BCAR3: variants seen among roughly 807,000 people sequenced by gnomAD.
The protein encoded by BCAR3 is breast cancer anti-estrogen resistance protein 3.
Under a neutral mutation model 80.1 loss-of-function variants are expected in BCAR3, and 37 were observed. The ratio of observed to expected loss-of-function variants is 0.46; its 90% confidence interval spans 0.36 to 0.61. The LOEUF is 0.61. Ranked by LOEUF, BCAR3 falls within the 20% of genes least tolerant of loss-of-function variation. The pLI is 0.00. For synonymous variants in BCAR3, 389 were observed against 418.9 expected (o/e 0.93, Z 0.87); for missense variants, 978 against 1,068.2 (o/e 0.92, Z 1.18).
rs764599323 is a variant in BCAR3, at chr1:93,562,350, C to T, written c.2369G>A (p.Ser790Asn). Residue 790 changes from serine to asparagine, a missense_variant, in exon 12 of 12, where the codon AGC becomes AAC. Transcript: ENST00000260502. ...TGTCTGATTGACTTGTGCACCTTTG[C>T]TGCCCCATAGCAATCGCATTTGAAA... ...TEFQMRLLWG[S>N]KGAQVNQTER... The T allele has an allele frequency of 1.9e-6, 3 of 1,614,006 alleles. No homozygotes were observed. Among genetic ancestry groups the T allele is most frequent in the Non-Finnish European group, 2.5e-6 (3 of 1,180,018 alleles).
At chr1:93,717,706 C>G (rs558532416) in intron 2 of BCAR3, among the ~76,000 whole-genome samples, 2 of 137,810 alleles carry the variant, frequency 1.5e-5, no homozygotes, top group Admixed American at 1.5e-4. Context: ...CCAGCCTGCA[C>G]GAGACTCCAC....
intron 3 of BCAR3, among the ~76,000 whole-genome samples, chr1:93,694,005 A>C (rs139727787): frequency 6.6e-6 from 1 of 152,304 alleles, no homozygotes; most frequent in African/African-American, 2.4e-5. Context: ...TATTATCCCT[A>C]TTTTATAGAT....
rs562080108 is a variant in BCAR3 at position 93,583,647 on chromosome 1, G to A, written c.1033+371C>T. On this transcript the variant is annotated intron_variant, in intron 6 of 11. Coordinates refer to ENST00000260502, the MANE Select transcript of BCAR3 (RefSeq NM_003567.4). ...GCCCCAGGATCCACCCGCCCACCCG[G>A]GAAAAGGGAGTAGGCTCATTTGTCA... is the stretch of plus-strand genomic sequence containing the variant. 7.2e-5 allele frequency among the ~76,000 whole-genome samples: 11 copies of A among 152,204 alleles called. No individual in the cohort carries two copies. The East Asian group carries it at 1.7e-3, about 24-fold the overall frequency.
chr1:93,579,009 A>T (rs923897094), intron 7 of BCAR3, among the ~76,000 whole-genome samples: 1 of 152,174 alleles, frequency 6.6e-6, no homozygotes, highest in Non-Finnish European at 1.5e-5. Context: ...GTGCTTCACT[A>T]CTGGTCCTCA....
chr1:93,761,654 C>T (rs143967794), intron 2 of BCAR3, among the ~76,000 whole-genome samples: 349 of 152,276 alleles, frequency 2.3e-3, no homozygotes, highest in African/African-American at 7.7e-3. Flanking sequence ...GGGGCAGCCA[C>T]GGCAAACCCC....
intron 2 of BCAR3, among the ~76,000 whole-genome samples, chr1:93,724,647 C>G (rs934942109): frequency 2.0e-5 from 3 of 152,132 alleles, no homozygotes; most frequent in Non-Finnish European, 2.9e-5. Context: ...AGCCTGGTGT[C>G]CAAGGACTCT....
At chr1:93,782,544 G>A (rs1652798641) in intron 2 of BCAR3, among the ~76,000 whole-genome samples, 1 of 152,170 alleles carries the variant, frequency 6.6e-6, no homozygotes, top group African/African-American at 2.4e-5. Flanking sequence ...GAGGGCTACA[G>A]AGGTTGTAGA....
chr1:93,607,095 A>C (rs920391298), intron 3 of BCAR3, among the ~76,000 whole-genome samples: 2 of 152,166 alleles, frequency 1.3e-5, no homozygotes, highest in Non-Finnish European at 2.9e-5. Context: ...GGGGACTCCA[A>C]AAGAGGGGCG....
chr1:93,677,221 C>G lies in BCAR3; in HGVS notation c.-11-2280G>C, dbSNP rs945376071. Among the ~76,000 whole-genome samples, 21 of 152,268 alleles carry G rather than the reference C, an allele frequency of 1.4e-4. 3 individuals carry two copies. Among genetic ancestry groups the G allele is most frequent in the Admixed American group, 7.8e-4 (12 of 15,304 alleles). ...GGCTCAGAGAGGGCAACAATAGAGACAAAGCATTTTGAAAAGTTAACATGT... is the reference window on the plus strand; with the variant it reads ...GGCTCAGAGAGGGCAACAATAGAGAGAAAGCATTTTGAAAAGTTAACATGT... On this transcript the variant is annotated intron_variant, in intron 1 of 11. Transcript: ENST00000260502.
intron 3 of BCAR3, among the ~76,000 whole-genome samples, chr1:93,637,298 G>A (rs1675816905): frequency 6.6e-6 from 1 of 151,880 alleles, no homozygotes; most frequent in Non-Finnish European, 1.5e-5. Context: ...GCCTCCTGAG[G>A]TGCCTGCCAC....
chr1:93,669,097 C>T (rs1213985738), intron 2 of BCAR3, among the ~76,000 whole-genome samples: 3 of 152,076 alleles, frequency 2.0e-5, no homozygotes, highest in Non-Finnish European at 4.4e-5. Flanking sequence ...AGCAGACATG[C>T]CTGGGTATAA....
chr1:93,607,011 G>A (rs1050362395), intron 3 of BCAR3, among the ~76,000 whole-genome samples: 2 of 152,132 alleles, frequency 1.3e-5, no homozygotes, highest in African/African-American at 4.8e-5. Flanking sequence ...TGGAAAGGGA[G>A]GGAGTAAAGA....
intron 2 of BCAR3, among the ~76,000 whole-genome samples, chr1:93,778,756 G>A (rs1283456417): frequency 6.6e-6 from 1 of 151,998 alleles, no homozygotes; most frequent in African/African-American, 2.4e-5. Flanking sequence ...TTGCTCAGCT[G>A]AATCCTACTC....
chr1:93,844,407 T>C (rs1362660527), intron 2 of BCAR3, among the ~76,000 whole-genome samples: 2 of 152,242 alleles, frequency 1.3e-5, no homozygotes, highest in Admixed American at 1.3e-4. Flanking sequence ...ATCAGCCTAA[T>C]TGAAAGTGGT....
chr1:93,666,357 T>G (rs1647912438), intron 2 of BCAR3, among the ~76,000 whole-genome samples: 1 of 152,228 alleles, frequency 6.6e-6, no homozygotes, highest in South Asian at 2.1e-4. Flanking sequence ...CACGGTTACA[T>G]AAAAATTATT....
At chr1:93,639,158 C>T (rs967222592) in intron 3 of BCAR3, among the ~76,000 whole-genome samples, 8 of 152,288 alleles carry the variant, frequency 5.3e-5, no homozygotes, top group African/African-American at 1.4e-4. Context: ...TTGGGATGAA[C>T]GACCGGTAGC....
intron 3 of BCAR3, among the ~76,000 whole-genome samples, chr1:93,623,388 G>A (rs894339464): frequency 6.6e-6 from 1 of 152,120 alleles, no homozygotes; most frequent in Non-Finnish European, 1.5e-5. Context: ...ATGGATGTGT[G>A]AGCCAATCAG....
exon 1 of BCAR3, chr1:93,847,097 G>GGCCTCGGCCGCTCA (rs1009178873): frequency 4.1e-6 from 1 of 241,446 alleles, no homozygotes; most frequent in African/African-American, 2.4e-5. Context: ...GAGGCCGCTC[G>GGCCTCGGCCGCTCA]GCCTCGGCCG....
rs948245381 is a variant in BCAR3, at chr1:93,582,352, G to A, written c.1635C>T (p.Thr545=). 1.5e-5 allele frequency: 24 copies of A among 1,614,182 alleles called. No individual in the cohort carries two copies. Among genetic ancestry groups the A allele is most frequent in the Non-Finnish European group, 1.9e-5 (22 of 1,180,034 alleles). ...GGGCGATGACCTTGGGGTCGTTGTT[G>A]GTGAACAGTTCTTTTGCACGTTTCA... ...AMLKRAKELF[T]NNDPKVIAQH... Residue 545 remains threonine (T), a synonymous_variant, in exon 7 of 12, where the codon ACC becomes ACT. Transcript: ENST00000260502.
Sources: allele counts gnomAD v4.1 joint callset (sites outside exome capture counted in the v4.1 genomes callset), GRCh38; gene constraint gnomAD v4.1.1; transcripts MANE v1.5; gene names NCBI Gene and HGNC (gene_info 2026-07-23, HGNC 2026-07-21).